Variants in TEX36 observed in about 807,000 individuals in gnomAD.
TEX36 encodes testis expressed 36.
TEX36 carries 12 observed loss-of-function variants against 13.6 expected under a neutral mutation model. The ratio of observed to expected loss-of-function variants is 0.88; its 90% confidence interval spans 0.56 to 1.43. TEX36 has a LOEUF of 1.43. Ranked by LOEUF, TEX36 falls within the 40% of genes most tolerant of loss-of-function variation. TEX36 has a pLI of 0.00. For synonymous variants in TEX36, 93 were observed against 83.0 expected (o/e 1.12, Z -0.65); for missense variants, 224 against 228.3 (o/e 0.98, Z 0.12).
chr10:125,576,813 G>T, exon 4 of TEX36: 1 of 1,535,970 alleles, frequency 6.5e-7, no homozygotes, highest in African/African-American at 1.4e-5. Context: ...GGTCCTCACC[G>T]GCTCATAGAA....
chr10:125,639,962 G>T (rs1341964428), intron 3 of TEX36, among the ~76,000 whole-genome samples: 1 of 152,214 alleles, frequency 6.6e-6, no homozygotes, highest in Non-Finnish European at 1.5e-5. Context: ...AACAGCAGAA[G>T]AATGTTTAAA....
intron 3 of TEX36, among the ~76,000 whole-genome samples, chr10:125,609,702 A>G (rs577139670): frequency 2.6e-5 from 4 of 152,348 alleles, no homozygotes; most frequent in African/African-American, 9.6e-5. Context: ...ATGAGCAAGA[A>G]AGAAACGTCT....
intron 3 of TEX36, among the ~76,000 whole-genome samples, chr10:125,608,655 C>A (rs978695341): frequency 2.0e-5 from 3 of 152,084 alleles, no homozygotes; most frequent in Non-Finnish European, 4.4e-5. Flanking sequence ...TCAGCCTCCC[C>A]GCTCAGCACA....
chr10:125,599,924 C>T (rs891913468), intron 3 of TEX36, among the ~76,000 whole-genome samples: 4 of 152,190 alleles, frequency 2.6e-5, no homozygotes, highest in African/African-American at 7.2e-5. Context: ...GACCCCCAAT[C>T]CCAGGCTCAG....
chr10:125,593,493 G>A (rs1026022477), intron 3 of TEX36, among the ~76,000 whole-genome samples: 7 of 152,096 alleles, frequency 4.6e-5, no homozygotes, highest in Non-Finnish European at 7.3e-5. Flanking sequence ...TAAAGTCTTC[G>A]GTGCTTGCCT....
chr10:125,577,787 A>C (rs1845842503), intron 3 of TEX36, among the ~76,000 whole-genome samples: 1 of 152,218 alleles, frequency 6.6e-6, no homozygotes, highest in Non-Finnish European at 1.5e-5. Context: ...TTCCCTGCAC[A>C]ATCCACTTCC....
chr10:125,613,453 T>C (rs297228), intron 3 of TEX36, among the ~76,000 whole-genome samples: 38,382 of 94,220 alleles, frequency 0.41, 8,645 homozygotes, highest in African/African-American at 0.65. Context: ...ACAACAGTCC[T>C]CAGAGTGTGA....
At chr10:125,619,432 C>T (rs1483962379), downstream of TEX36, among the ~76,000 whole-genome samples, 7 of 152,132 alleles carry the variant, frequency 4.6e-5, no homozygotes, top group Non-Finnish European at 1.5e-5. Flanking sequence ...TTCCCCTCTC[C>T]TCATAGTAGA....
chr10:125,619,966 T>G (rs183236203), downstream of TEX36, among the ~76,000 whole-genome samples: 1 of 152,268 alleles, frequency 6.6e-6, no homozygotes, highest in East Asian at 1.9e-4. Flanking sequence ...CATCATTAAA[T>G]ATTCTTGTAA....
chr10:125,599,114 G>GA (rs1199575735), intron 3 of TEX36, among the ~76,000 whole-genome samples: 5 of 152,056 alleles, frequency 3.3e-5, no homozygotes, highest in East Asian at 1.9e-4. Context: ...AAAATAATCG[G>GA]AAAAAACTTT....
At chr10:125,667,436 G>A in intron 1 of TEX36, 1 of 690,742 alleles carries the variant, frequency 1.4e-6, no homozygotes, top group Middle Eastern at 2.5e-4. Context: ...GGCATGACAG[G>A]CCAGGACGTT....
chr10:125,650,235 A>G (rs530700843), intron 3 of TEX36, among the ~76,000 whole-genome samples: 4 of 152,336 alleles, frequency 2.6e-5, no homozygotes, highest in Admixed American at 1.3e-4. Context: ...AAAATTGACC[A>G]CATAGTTGGA....
chr10:125,640,755 A>G (rs1846678265), intron 3 of TEX36, among the ~76,000 whole-genome samples: 1 of 152,086 alleles, frequency 6.6e-6, no homozygotes, highest in African/African-American at 2.4e-5. Context: ...GCTGAAGGGG[A>G]TCTTCCCAAA....
intron 1 of TEX36, chr10:125,667,056 G>C: frequency 6.9e-7 from 1 of 1,442,484 alleles, no homozygotes; most frequent in Admixed American, 1.7e-5. Context: ...TGCAGGGCTC[G>C]GCCATAGGAG....
At chr10:125,584,537 C>A (rs577774736) in intron 3 of TEX36, among the ~76,000 whole-genome samples, 1 of 152,200 alleles carries the variant, frequency 6.6e-6, no homozygotes, top group Non-Finnish European at 1.5e-5. Flanking sequence ...CATCTGTTGA[C>A]GCCCTTACCA....
intron 3 of TEX36, among the ~76,000 whole-genome samples, chr10:125,615,088 G>A (rs949607064): frequency 2.0e-5 from 3 of 152,116 alleles, no homozygotes; most frequent in African/African-American, 7.2e-5. Context: ...CCGTTTGTCT[G>A]TTGTTGGTGT....
intron 3 of TEX36, among the ~76,000 whole-genome samples, chr10:125,658,564 G>A (rs76515406): frequency 0.018 from 2,661 of 152,014 alleles, 92 homozygotes; most frequent in African/African-American, 0.061. Context: ...CAACAGGGGG[G>A]AATATATATT....
At chr10:125,619,596 G>A (rs1195559987), downstream of TEX36, among the ~76,000 whole-genome samples, 2 of 152,154 alleles carry the variant, frequency 1.3e-5, no homozygotes, top group East Asian at 1.9e-4. Flanking sequence ...TGTAGCCCAC[G>A]CTGGAGTGCA....
chr10:125,665,746 A>C (rs1847110761), intron 1 of TEX36, among the ~76,000 whole-genome samples: 1 of 152,174 alleles, frequency 6.6e-6, no homozygotes, highest in African/African-American at 2.4e-5. Context: ...GTGAAGAATG[A>C]CATTGGTATT....
Sources: gnomAD v4.1 joint callset for allele counts (sites outside exome capture counted in the v4.1 genomes callset) on GRCh38, gnomAD v4.1.1 for gene constraint, MANE v1.5 for transcripts, NCBI Gene and HGNC (gene_info 2026-07-23, HGNC 2026-07-21) for gene names.